Variants in PCDHGB4 observed in about 807,000 individuals in gnomAD.
PCDHGB4 encodes the protein protocadherin gamma subfamily B, 4.
In PCDHGB4, 38 loss-of-function variants were observed where a neutral mutation model predicts 60.5. The observed-to-expected ratio is 0.63, with a 90% confidence interval of 0.48 to 0.82. The LOEUF is 0.82. Ranked by LOEUF, PCDHGB4 falls within the 40% of genes least tolerant of loss-of-function variation. PCDHGB4 has a pLI of 0.00. For synonymous variants in PCDHGB4, 456 were observed against 509.7 expected, an observed-to-expected ratio of 0.89 and a Z score of 1.42; for missense variants, 1,109 against 1,209.6, an observed-to-expected ratio of 0.92 and a Z score of 1.23.
chr5:141,409,912 C>A (rs775668669), intron 1 of PCDHGB4: 2 of 1,613,180 alleles, frequency 1.2e-6, no homozygotes, highest in African/African-American at 2.7e-5. Flanking sequence ...TGGGTCCTGA[C>A]GGCTCCGCGT....
At position 141,388,791 on chromosome 5, in the gene PCDHGB4, A is replaced by C. The variant is rs1247299397; in HGVS notation, c.907A>C (p.Asn303His). Reference protein sequence around the residue: ...NSNTGEITVLNTLDFEEVKEY... With the variant: ...NSNTGEITVLHTLDFEEVKEY... ...TAACACCGGGGAAATTACTGTTTTA[A>C]ATACATTAGATTTTGAAGAAGTCAA... Residue 303 changes from asparagine to histidine, a missense_variant, in exon 1 of 4, where the codon AAT becomes CAT. Physicochemically the swap from Asn to His is moderately conservative, Grantham distance 68. Transcript: ENST00000519479. The C allele has an allele frequency of 6.2e-7, 1 of 1,613,810 alleles. No homozygotes were observed. The highest frequency in any genetic ancestry group is 1.7e-5 in the Admixed American group (1 of 60,010).
Position 141,422,832 on chromosome 5 carries a change from A to G in PCDHGB4, c.2397+32551A>G, listed in dbSNP as rs12520854. On this transcript the variant is annotated intron_variant, in intron 1 of 3. Coordinates refer to ENST00000519479, the MANE Select transcript of PCDHGB4 (RefSeq NM_003736.4). Reference sequence around the variant, plus strand: ...GAGACTTAGAACTGAGAGTGATAGCACGTGACAGCGGGGACCCGCCCCTCA... The same window carrying G: ...GAGACTTAGAACTGAGAGTGATAGCGCGTGACAGCGGGGACCCGCCCCTCA... The G allele has an allele frequency of 6.8e-3, 10,902 of 1,614,192 alleles. 60 individuals are homozygous for G. The highest frequency in any genetic ancestry group is 7.9e-3 in the Non-Finnish European group (9,294 of 1,180,036).
chr5:141,388,936 C>A lies in PCDHGB4; in HGVS notation c.1052C>A (p.Pro351His). The change falls in exon 1 of 4, where the codon CCC (proline) becomes CAC (histidine). Residue 351 changes from proline (P) to histidine (H), a missense_variant. Coordinates refer to ENST00000519479, the MANE Select transcript of PCDHGB4 (RefSeq NM_003736.4). ...CCAGAAGTGATATTCCAGTCTCTACCCAACCTAATTATGGAGGACGCCGAG... is the reference window on the plus strand; with the variant it reads ...CCAGAAGTGATATTCCAGTCTCTACACAACCTAATTATGGAGGACGCCGAG... Reference protein sequence around the residue: ...NAPEVIFQSLPNLIMEDAELG... With the variant: ...NAPEVIFQSLHNLIMEDAELG... 2.5e-6 allele frequency: 4 copies of A among 1,613,926 alleles called. No individual in the cohort carries two copies. The highest frequency in any genetic ancestry group is 3.4e-6 in the Non-Finnish European group (4 of 1,179,868).
intron 1 of PCDHGB4, chr5:141,390,863 T>C (rs1292623547): frequency 6.6e-6 from 1 of 150,928 alleles, no homozygotes. Flanking sequence ...GTACGCTGTG[T>C]GTGCGTGTGT....
intron 2 of PCDHGB4, among the ~76,000 whole-genome samples, chr5:141,500,289 A>G (rs1440166636): frequency 6.6e-6 from 1 of 151,486 alleles, no homozygotes; most frequent in African/African-American, 2.4e-5. Flanking sequence ...GCTCACTGCA[A>G]GCTCCGCCTC....
At chr5:141,503,936 C>G (rs2099834285) in intron 2 of PCDHGB4, among the ~76,000 whole-genome samples, 1 of 152,186 alleles carries the variant, frequency 6.6e-6, no homozygotes, top group Non-Finnish European at 1.5e-5. Flanking sequence ...CATTTTCATG[C>G]CTTCAAGGCC....
chr5:141,421,395 G>A (rs2096569109), intron 1 of PCDHGB4: 1 of 1,613,950 alleles, frequency 6.2e-7, no homozygotes, highest in Admixed American at 1.7e-5. Flanking sequence ...TGGGGCTGGA[G>A]CCCCGGGAGC....
intron 2 of PCDHGB4, 40 bp from the exon 3 acceptor site, chr5:141,505,353 G>T (rs376781305): frequency 1.7e-5 from 27 of 1,613,426 alleles, no homozygotes; most frequent in Non-Finnish European, 2.0e-5. Flanking sequence ...GAGCTGTGCC[G>T]GCCTGGGAGT....
At chr5:141,409,995 C>A (rs777416137) in intron 1 of PCDHGB4, 2 of 1,613,308 alleles carry the variant, frequency 1.2e-6, no homozygotes, top group Admixed American at 3.3e-5. Flanking sequence ...GACGCCGACT[C>A]GGGACACAAC....
At position 141,486,415 on chromosome 5, in the gene PCDHGB4, T is replaced by C. The variant is rs745877804; in HGVS notation, c.2398-8392T>C. On this transcript the variant is annotated intron_variant, in intron 1 of 3. Transcript: ENST00000519479. The surrounding 1 kb of genome is among the most constrained non-coding windows in gnomAD (Gnocchi z 5.0). ...CCCTGGTGACTGCTGGACCCTTGGA[T>C]CGAGAGGCCAAATCTAGCTATGACA... 6.2e-7 allele frequency: 1 copy of C among 1,614,176 alleles called. No individual in the cohort carries two copies. The highest frequency in any genetic ancestry group is 8.5e-7 in the Non-Finnish European group (1 of 1,180,022).
In PCDHGB4 at chr5:141,418,596, T is replaced by C; in HGVS notation, c.2397+28315T>C. On this transcript the variant is annotated intron_variant, in intron 1 of 3. Coordinates refer to ENST00000519479, the MANE Select transcript of PCDHGB4 (RefSeq NM_003736.4). Reference sequence around the variant, plus strand: ...AACCCCCCAGTGTTCAGCCAGGACGTGTACAGGGTTAGCCTTCGGGAAGAC... The same window carrying C: ...AACCCCCCAGTGTTCAGCCAGGACGCGTACAGGGTTAGCCTTCGGGAAGAC... 8.7e-6 allele frequency: 14 copies of C among 1,614,046 alleles called. No individual in the cohort carries two copies. The highest frequency in any genetic ancestry group is 1.1e-5 in the Non-Finnish European group (13 of 1,179,906).
chr5:141,465,532 C>T (rs1175698109), intron 1 of PCDHGB4, among the ~76,000 whole-genome samples: 1 of 152,138 alleles, frequency 6.6e-6, no homozygotes, highest in Non-Finnish European at 1.5e-5. Flanking sequence ...GGAAGTTTTC[C>T]CAGGCATTTT....
At chr5:141,408,927 T>C (rs1220361067) in intron 1 of PCDHGB4, 5 of 1,613,512 alleles carry the variant, frequency 3.1e-6, no homozygotes, top group African/African-American at 1.3e-5. Context: ...CCCCCGGTTT[T>C]CAGCAGAGAC....
intron 1 of PCDHGB4, among the ~76,000 whole-genome samples, chr5:141,443,695 A>G (rs1324985529): frequency 1.3e-5 from 2 of 152,272 alleles, no homozygotes; most frequent in Non-Finnish European, 2.9e-5. Context: ...TTCAAAAATT[A>G]TAGAATAACA....
Position 141,389,464 on chromosome 5 carries a change from A to G in PCDHGB4, c.1580A>G (p.Glu527Gly), listed in dbSNP as rs1277929756. 1 of 1,613,306 alleles carries G rather than the reference A, an allele frequency of 6.2e-7. No homozygotes were observed. Among genetic ancestry groups the G allele is most frequent in the Admixed American group, 1.7e-5 (1 of 60,020 alleles). ...AFDHEQLRAF[E>G]LTLQARDQGS... ...GACCACGAGCAGCTGCGCGCCTTCGAACTCACACTGCAGGCCCGCGACCAG... is the reference window on the plus strand; with the variant it reads ...GACCACGAGCAGCTGCGCGCCTTCGGACTCACACTGCAGGCCCGCGACCAG... The change falls in exon 1 of 4, where the codon GAA becomes GGA. Residue 527 changes from glutamate to glycine, a missense_variant. This residue lies in a region of PCDHGB4 where 1,068 missense variants were observed against 1,089.9 expected (regional missense o/e 0.98). Coordinates refer to ENST00000519479, the MANE Select transcript of PCDHGB4 (RefSeq NM_003736.4).
At chr5:141,441,764 C>T (rs1407504024) in intron 1 of PCDHGB4, 1 of 384,478 alleles carries the variant, frequency 2.6e-6, no homozygotes, top group South Asian at 2.1e-5. Context: ...TGAGCCTGCG[C>T]GTGTTGGTGG....
rs767425379 is a variant in PCDHGB4, at chr5:141,403,635, T to C, written c.2397+13354T>C. 1.1e-5 allele frequency: 18 copies of C among 1,613,902 alleles called. No individual in the cohort carries two copies. The South Asian group carries it at 1.8e-4, about 16-fold the overall frequency. On this transcript the variant is annotated intron_variant, in intron 1 of 3. Transcript: ENST00000519479. ...CCGCGTCGCTCCAGCACAGTGCGCA[T>C]CCATGTGACAGTGTTGGATACAAAT... is the stretch of plus-strand genomic sequence containing the variant.
intron 2 of PCDHGB4, among the ~76,000 whole-genome samples, chr5:141,500,453 C>T (rs1403599390): frequency 6.6e-6 from 1 of 152,130 alleles, no homozygotes; most frequent in South Asian, 2.1e-4. Context: ...TCGTGATCCG[C>T]CCGCCTCGGC....
chr5:141,463,886 C>T (rs1327677210), intron 1 of PCDHGB4, among the ~76,000 whole-genome samples: 3 of 152,118 alleles, frequency 2.0e-5, no homozygotes, highest in African/African-American at 4.8e-5. Flanking sequence ...AAAGTTTTCA[C>T]CTTGCTTTTT....
Sources: allele counts gnomAD v4.1 joint callset (sites outside exome capture counted in the v4.1 genomes callset), GRCh38; gene constraint gnomAD v4.1.1; regional missense constraint gnomAD v4.1.1; non-coding constraint Gnocchi (gnomAD v3.1); transcripts MANE v1.5; gene names NCBI Gene and HGNC (gene_info 2026-07-23, HGNC 2026-07-21).